The following TSPAN31 variants were observed in gnomAD, a reference collection of about 807,000 sequenced individuals.
The protein encoded by TSPAN31 is tetraspanin 31.
Under a neutral mutation model 24.8 loss-of-function variants are expected in TSPAN31, and 16 were observed. The observed-to-expected ratio is 0.64, with a 90% CI of 0.44 to 0.98. The LOEUF (loss-of-function observed/expected upper bound fraction) is 0.98, where lower values mean the gene tolerates loss of function less well. TSPAN31 is among the 50% of genes least tolerant of loss of function. TSPAN31 has a pLI of 0.00. For missense variants in TSPAN31, 209 were observed against 251.6 expected (o/e 0.83, Z 1.15); for synonymous variants, 87 against 91.4 (o/e 0.95, Z 0.27).
chr12:57,748,233 A>G lies in TSPAN31; in HGVS notation c.*943A>G, dbSNP rs945105324. 27 of 382,622 alleles carry G rather than the reference A, an allele frequency of 7.1e-5. No homozygotes were observed. Among genetic ancestry groups the G allele is most frequent in the Non-Finnish European group, 1.2e-4 (25 of 206,050 alleles). The allele number at this position is 382,622 out of a possible 1,614,324, so 23.7% of individuals were successfully genotyped here. ...GAGGAAGAAACATTAAAAAAAAAAAAAAGACCATTATTTCTTTGTTTTGTT... is the reference window on the plus strand; with the variant it reads ...GAGGAAGAAACATTAAAAAAAAAAAGAAGACCATTATTTCTTTGTTTTGTT... On this transcript the variant is annotated 3_prime_UTR_variant, in exon 6 of 6. Transcript: ENST00000257910.
chr12:57,749,549 T>G lies in TSPAN31; in HGVS notation c.*2259T>G. ...AAGGTAGCAGTCATTTTCAAAGATA[T>G]CTTAGTTGAATGGTTACTGCTTAGT... On this transcript the variant is annotated 3_prime_UTR_variant, in exon 6 of 6. Transcript: ENST00000257910. 1.3e-6 allele frequency: 2 copies of G among 1,577,818 alleles called. No homozygotes were observed. Among genetic ancestry groups the G allele is most frequent in the South Asian group, 2.2e-5 (2 of 90,200 alleles).
chr12:57,745,695 C>T (rs1955138787), intron 1 of TSPAN31, 50 bp from the exon 2 acceptor site: 3 of 1,609,930 alleles, frequency 1.9e-6, no homozygotes, highest in African/African-American at 2.7e-5. Context: ...TGGCCTTGGG[C>T]TGTGCCGCAT....
chr12:57,745,952 G>A (rs753798447), intron 2 of TSPAN31, 40 bp downstream of exon 2: 28 of 1,560,114 alleles, frequency 1.8e-5, no homozygotes, highest in Non-Finnish European at 2.4e-5. Context: ...CGGGGGCTTG[G>A]GAGGGCTGTC....
intron 1 of TSPAN31, 79 bp from the exon 2 acceptor site, chr12:57,745,666 G>A (rs1955138494): frequency 6.4e-7 from 1 of 1,554,300 alleles, no homozygotes; most frequent in Non-Finnish European, 8.8e-7. Context: ...CCCCTGCCCC[G>A]CTCCCAAGTC....
In TSPAN31 at chr12:57,746,180, T is replaced by C; in HGVS notation, c.236T>C (p.Met79Thr). The C allele has an allele frequency of 1.2e-6, 2 of 1,614,002 alleles. No individual in the cohort carries two copies. The highest frequency in any genetic ancestry group is 1.7e-6 in the Non-Finnish European group (2 of 1,179,812). The change falls in exon 3 of 6, where the codon ATG (methionine) becomes ACG (threonine). Residue 79 changes from methionine to threonine, a missense_variant. Transcript: ENST00000257910. Reference protein sequence around the residue: ...NHHQVLLFFYMIILGLVFIFQ... With the variant: ...NHHQVLLFFYTIILGLVFIFQ... ...TTCCATAACCTTTCCTCTCAGTACA[T>C]GATCATCCTTGGTTTGGTCTTCATC...
At position 57,746,534 on chromosome 12, in the gene TSPAN31, T is replaced by G. The variant is rs144318238; in HGVS notation, c.313-55T>G. 6.8e-5 allele frequency: 109 copies of G among 1,610,248 alleles called. No homozygotes were observed. In the African/African-American group the frequency reaches 1.3e-3, roughly 20 times the overall value. ...GCTGGGCTAGGGAAATTGAGGCACT[T>G]GAACTGATAACAGGATGTAGGGAGA... On this transcript the variant is annotated intron_variant, in intron 3 of 5. Transcript: ENST00000257910.
intron 1 of TSPAN31, 114 bp from the exon 2 acceptor site, chr12:57,745,631 T>TCA: frequency 1.5e-6 from 2 of 1,342,590 alleles, no homozygotes; most frequent in East Asian, 4.6e-5. Flanking sequence ...CAGCTCCCAT[T>TCA]CACACACTAT....
In TSPAN31 at chr12:57,748,541, T is replaced by G. The variant is rs771234928; in HGVS notation, c.*1251T>G. 6.2e-7 allele frequency: 1 copy of G among 1,612,792 alleles called. No individual in the cohort carries two copies. The highest frequency in any genetic ancestry group is 8.5e-7 in the Non-Finnish European group (1 of 1,178,856). Reference sequence around the variant, plus strand: ...CTCCATTGCTCACTCCGGATTACCTTCATCCTTATGTAGATAAGAGTGCTG... The same window carrying G: ...CTCCATTGCTCACTCCGGATTACCTGCATCCTTATGTAGATAAGAGTGCTG... On this transcript the variant is annotated 3_prime_UTR_variant, in exon 6 of 6. Coordinates refer to ENST00000257910, the MANE Select transcript of TSPAN31 (RefSeq NM_005981.5).
Position 57,745,237 on chromosome 12 carries a change from G to A in TSPAN31, c.63+20G>A. The A allele has an allele frequency of 6.2e-7, 1 of 1,608,010 alleles. No homozygotes were observed. On this transcript the variant is annotated intron_variant, in intron 1 of 5. Transcript: ENST00000257910. ...TACATGGTGAGGTTTTGGAGGTGGG[G>A]GAAGCTTCAAGGCGGAAAGGCCCCG...
rs529424415 is a variant in TSPAN31 at position 57,748,022 on chromosome 12, G to A, written c.*732G>A. 7.8e-5 allele frequency: 19 copies of A among 245,046 alleles called. No homozygotes were observed. The highest frequency in any genetic ancestry group is 6.3e-4 in the East Asian group (10 of 15,950). 15.2% of individuals were successfully genotyped at this position (245,046 alleles called of 1,614,324 possible). A position where few individuals can be genotyped will look rare whatever the true frequency, so the allele number is the denominator to read the frequency against. On this transcript the variant is annotated 3_prime_UTR_variant, in exon 6 of 6. Coordinates refer to ENST00000257910, the MANE Select transcript of TSPAN31 (RefSeq NM_005981.5). Reference sequence around the variant, plus strand: ...CTCCCAACGTGCTGGGATTATAGGCGTGAGCCACCACGCCCCGCCTAAAAT... The same window carrying A: ...CTCCCAACGTGCTGGGATTATAGGCATGAGCCACCACGCCCCGCCTAAAAT...
chr12:57,749,903 A>G lies in TSPAN31; in HGVS notation c.*2613A>G. The stretch of plus-strand genomic sequence containing the variant: ...TCCCAGCTACTTGGGAGGCTGAGTC[A>G]AGAGAATTGCTTGAATCTGGGAGGT... On this transcript the variant is annotated 3_prime_UTR_variant, in exon 6 of 6. Transcript: ENST00000257910. The G allele has an allele frequency of 3.5e-6, 1 of 288,506 alleles. No individual in the cohort carries two copies. The highest frequency in any genetic ancestry group is 6.7e-6 in the Non-Finnish European group (1 of 148,970). 17.9% of individuals were successfully genotyped at this position (288,506 alleles called of 1,614,324 possible).
At position 57,749,816 on chromosome 12, in the gene TSPAN31, G is replaced by A. The variant is rs1039833499; in HGVS notation, c.*2526G>A. ...GATCGAGACCATCCTGGCCAACATG[G>A]TGAAACCCTGTCATTACTAAAAGTA... On this transcript the variant is annotated 3_prime_UTR_variant, in exon 6 of 6. Transcript: ENST00000257910. 3 of 418,240 alleles carry A rather than the reference G, an allele frequency of 7.2e-6. No homozygotes were observed. The highest frequency in any genetic ancestry group is 6.1e-5 in the African/African-American group (3 of 49,326). 25.9% of individuals were successfully genotyped at this position (418,240 alleles called of 1,614,324 possible).
chr12:57,746,791 C>A, intron 4 of TSPAN31, 71 bp downstream of exon 4: 1 of 1,596,870 alleles, frequency 6.3e-7, no homozygotes, highest in East Asian at 2.2e-5. Context: ...CCCAAGTTGG[C>A]AAATTTAGTT....
At position 57,745,885 on chromosome 12, in the gene TSPAN31, C is replaced by T; in HGVS notation, c.204C>T (p.Val68=). 1.2e-6 allele frequency: 2 copies of T among 1,609,972 alleles called. No individual in the cohort carries two copies. Among genetic ancestry groups the T allele is most frequent in the Non-Finnish European group, 1.7e-6 (2 of 1,178,280 alleles). The part of the protein sequence containing the change: ...LIAVAGLVGA[V]NHHQVLLFFY... ...CAGTGGCTGGACTGGTGGGTGCTGT[C>T]AACCACCACCAAGTCCTGCTGTTCT... is the stretch of plus-strand genomic sequence containing the variant. Residue 68 remains valine (V), a synonymous_variant, in exon 2 of 6, where the codon GTC becomes GTT. Coordinates refer to ENST00000257910, the MANE Select transcript of TSPAN31 (RefSeq NM_005981.5).
chr12:57,746,803 G>C (rs1260980321), intron 4 of TSPAN31, 83 bp downstream of exon 4: 25 of 1,583,612 alleles, frequency 1.6e-5, no homozygotes, highest in Non-Finnish European at 2.0e-5. Flanking sequence ...AATTTAGTTT[G>C]AATGTCATTG....
chr12:57,749,100 C>T lies in TSPAN31; in HGVS notation c.*1810C>T, dbSNP rs2140382234. On this transcript the variant is annotated 3_prime_UTR_variant, in exon 6 of 6. Transcript: ENST00000257910. The stretch of plus-strand genomic sequence containing the variant: ...TCTACCAACCAAGTTTCATTAACCA[C>T]AGTGGCCAGGGCCCTGCATACTGCT... 1.9e-6 allele frequency: 3 copies of T among 1,552,038 alleles called. No homozygotes were observed. The highest frequency in any genetic ancestry group is 2.7e-6 in the Non-Finnish European group (3 of 1,123,542).
At chr12:57,745,250 C>A in intron 1 of TSPAN31, 33 bp downstream of exon 1, 1 of 1,600,600 alleles carries the variant, frequency 6.2e-7, no homozygotes, top group Non-Finnish European at 8.5e-7. Flanking sequence ...AGCTTCAAGG[C>A]GGAAAGGCCC....
In TSPAN31 at chr12:57,745,534, C is replaced by T. The variant is rs563896639; in HGVS notation, c.64-211C>T. ...GGTTCATCTTTTGCATTCATACTAC[C>T]ATCCCTGCCACCCCCTCCCCGCCAT... On this transcript the variant is annotated intron_variant, in intron 1 of 5. Transcript: ENST00000257910. 1.8e-4 allele frequency: 114 copies of T among 632,054 alleles called. 1 individual carries two copies. The African/African-American group carries it at 1.9e-3, about 10-fold the overall frequency. The allele number at this position is 632,054 out of a possible 1,614,324, so 39.2% of individuals were successfully genotyped here.
Position 57,750,115 on chromosome 12 carries a change from C to T in TSPAN31, c.*2825C>T, listed in dbSNP as rs912245528. On this transcript the variant is annotated 3_prime_UTR_variant, in exon 6 of 6. Coordinates refer to ENST00000257910, the MANE Select transcript of TSPAN31 (RefSeq NM_005981.5). ...GCTACAGTGAGCTGTAATTGGGCCA[C>T]TGCACTCCAGCCTGGGTGACAGAGT... The T allele has an allele frequency of 5.3e-5, 8 of 151,822 alleles. No homozygotes were observed. Among genetic ancestry groups the T allele is most frequent in the African/African-American group, 2.0e-4 (8 of 41,010 alleles). The allele number at this position is 151,822 out of a possible 1,614,324, so 9.4% of individuals were successfully genotyped here. A position where few individuals can be genotyped will look rare whatever the true frequency, so the allele number is the denominator to read the frequency against.
Sources: allele counts gnomAD v4.1 joint callset, GRCh38; gene constraint gnomAD v4.1.1; transcripts MANE v1.5; gene names NCBI Gene and HGNC (gene_info 2026-07-23, HGNC 2026-07-21).